NEK4: variants seen among roughly 807,000 people sequenced by gnomAD.
NEK4 encodes NIMA related kinase 4, also known as serine/threonine-protein kinase Nek4.
In NEK4, 86 loss-of-function variants were observed where a neutral mutation model predicts 98.4. That is an observed-to-expected ratio of 0.87 (90% CI 0.73 to 1.05). The LOEUF (loss-of-function observed/expected upper bound fraction) is 1.05, where lower values mean the gene tolerates loss of function less well. Ranked by LOEUF, NEK4 falls within the 50% of genes least tolerant of loss-of-function variation. The pLI is 0.00. For synonymous variants in NEK4, 328 were observed against 342.2 expected (o/e 0.96, Z 0.46); for missense variants, 898 against 950.3 (o/e 0.94, Z 0.72).
At chr3:52,762,813 G>A (rs1389024320) in intron 5 of NEK4, among the ~76,000 whole-genome samples, 1 of 151,996 alleles carries the variant, frequency 6.6e-6, no homozygotes, top group African/African-American at 2.4e-5. Flanking sequence ...CCCGGGAGGC[G>A]GAGGTTGCAG....
intron 15 of NEK4, among the ~76,000 whole-genome samples, chr3:52,721,341 TTCC>T (rs2097359877): frequency 6.6e-6 from 1 of 152,246 alleles, no homozygotes; most frequent in Non-Finnish European, 1.5e-5. Context: ...CTGAAGTGAC[TTCC>T]TGGGGATTTA....
In NEK4 at chr3:52,768,456, A is replaced by G; in HGVS notation, c.242T>C (p.Ile81Thr). Residue 81 changes from isoleucine to threonine, a missense_variant, in exon 2 of 16, where the codon ATT becomes ACT. Ile to Thr is a moderately conservative substitution (Grantham distance 89). Transcript: ENST00000233027. ...SWEGGDGLLY[I>T]VMGFCEGGDL... ...ACCTCCTTCACAGAAGCCCATGACA[A>G]TGTAGAGCAGACCATCTCCTCCTTC... The G allele has an allele frequency of 2.5e-6, 4 of 1,614,200 alleles. No homozygotes were observed. The highest frequency in any genetic ancestry group is 3.4e-6 in the Non-Finnish European group (4 of 1,180,032).
intron 6 of NEK4, among the ~76,000 whole-genome samples, chr3:52,760,545 T>C (rs57607481): frequency 0.04 from 6,038 of 152,314 alleles, 403 homozygotes; most frequent in African/African-American, 0.14. Flanking sequence ...ATGGTTAATT[T>C]TGTTATATAA....
At chr3:52,742,276 G>A (rs2097387768) in intron 12 of NEK4, among the ~76,000 whole-genome samples, 1 of 148,976 alleles carries the variant, frequency 6.7e-6, no homozygotes, top group Non-Finnish European at 1.5e-5. Flanking sequence ...TCACTATGTT[G>A]TCCAGGCTGG....
At chr3:52,716,031 A>G (rs2097354832) in intron 15 of NEK4, among the ~76,000 whole-genome samples, 1 of 152,164 alleles carries the variant, frequency 6.6e-6, no homozygotes. Flanking sequence ...GTCTGGCCAT[A>G]GCTTCGCAGA....
At chr3:52,741,526 T>C in intron 12 of NEK4, 27 bp from the exon 13 acceptor site, 1 of 1,425,858 alleles carries the variant, frequency 7.0e-7, no homozygotes, top group Non-Finnish European at 9.9e-7. Context: ...AGAATTAAAA[T>C]TCTACATGAC....
chr3:52,739,352 T>C, intron 14 of NEK4, 77 bp downstream of exon 14: 1 of 1,252,926 alleles, frequency 8.0e-7, no homozygotes, highest in Admixed American at 1.7e-5. Flanking sequence ...TGAGCCAAGA[T>C]CACACTACTG....
chr3:52,712,792 G>A (rs538984090), intron 15 of NEK4, among the ~76,000 whole-genome samples: 26 of 152,276 alleles, frequency 1.7e-4, no homozygotes, highest in Non-Finnish European at 2.8e-4. Flanking sequence ...GTGCTTTTCC[G>A]CTGGCATGCT....
intron 10 of NEK4, 124 bp downstream of exon 10, chr3:52,745,937 A>G (rs987093564): frequency 1.2e-6 from 1 of 843,620 alleles, no homozygotes; most frequent in South Asian, 1.7e-5. Context: ...TGCCCAGGCC[A>G]GTCTTGAACT....
intron 11 of NEK4, among the ~76,000 whole-genome samples, chr3:52,744,028 C>A (rs2097391196): frequency 6.6e-6 from 1 of 152,128 alleles, no homozygotes; most frequent in African/African-American, 2.4e-5. Flanking sequence ...TCTTTAATAT[C>A]CCCCTCCTCT....
At chr3:52,763,436 T>C in intron 5 of NEK4, 34 bp downstream of exon 5, 1 of 1,592,954 alleles carries the variant, frequency 6.3e-7, no homozygotes. Context: ...ACCCCATCTA[T>C]TTAGCCCAGC....
intron 12 of NEK4, among the ~76,000 whole-genome samples, chr3:52,741,702 C>T (rs1285075134): frequency 2.0e-5 from 3 of 151,570 alleles, no homozygotes; most frequent in Non-Finnish European, 4.4e-5. Context: ...CGTGATATCC[C>T]AGTTCACTCA....
At chr3:52,741,109 G>A (rs1000813762) in intron 13 of NEK4, among the ~76,000 whole-genome samples, 4 of 151,896 alleles carry the variant, frequency 2.6e-5, no homozygotes, top group Non-Finnish European at 4.4e-5. Flanking sequence ...GGTGGCGGAC[G>A]CCTGTGGTCC....
chr3:52,757,689 TAAAC>T (rs1698174491), intron 6 of NEK4, among the ~76,000 whole-genome samples: 3 of 151,874 alleles, frequency 2.0e-5, no homozygotes, highest in Admixed American at 2.0e-4. Flanking sequence ...ATGAACCAGA[TAAAC>T]AAAACGTGGG....
intron 12 of NEK4, 73 bp from the exon 13 acceptor site, chr3:52,741,572 G>T: frequency 1.1e-6 from 1 of 901,592 alleles, no homozygotes. Flanking sequence ...ACCAGTCTTA[G>T]ATGCAACAAC....
intron 4 of NEK4, among the ~76,000 whole-genome samples, chr3:52,765,638 A>G (rs1412732718): frequency 6.6e-6 from 1 of 152,236 alleles, no homozygotes; most frequent in Non-Finnish European, 1.5e-5. Context: ...GACTATAGGC[A>G]TAGGTTTTCA....
intron 10 of NEK4, among the ~76,000 whole-genome samples, chr3:52,744,694 A>AAG (rs1368956058): frequency 2.0e-5 from 3 of 150,830 alleles, no homozygotes; most frequent in Non-Finnish European, 4.4e-5. Flanking sequence ...AAAAAAAAAA[A>AAG]AAAAAGAAAA....
intron 5 of NEK4, among the ~76,000 whole-genome samples, chr3:52,762,849 C>T (rs1328367261): frequency 1.3e-5 from 2 of 151,968 alleles, no homozygotes; most frequent in African/African-American, 2.4e-5. Flanking sequence ...CCACTGCACT[C>T]CAGCCTGGGT....
rs763625346 is a variant in NEK4 at position 52,737,627 on chromosome 3, C to A, written c.2392G>T (p.Val798Leu). Residue 798 changes from valine to leucine, a missense_variant, in exon 15 of 16, where the codon GTG becomes TTG. By Grantham distance (32) the Val-to-Leu change is conservative. Transcript: ENST00000233027. ...RGLGVQLLEQVYDLLEEEDEF... is the reference protein window; with the variant it reads ...RGLGVQLLEQLYDLLEEEDEF... The stretch of plus-strand genomic sequence containing the variant: ...TCCTCCTCCTCCAAAAGATCATACA[C>A]CTGCTCTAAAAGCTGAACTCCCAGG... The A allele has an allele frequency of 2.5e-6, 4 of 1,613,870 alleles. No individual in the cohort carries two copies. The Admixed American group carries it at 5.0e-5, about 20-fold the overall frequency.
Sources: allele counts gnomAD v4.1 joint callset (sites outside exome capture counted in the v4.1 genomes callset), GRCh38; gene constraint gnomAD v4.1.1; transcripts MANE v1.5; gene names NCBI Gene and HGNC (gene_info 2026-07-23, HGNC 2026-07-21).